R3HDM1: variants seen among roughly 807,000 people sequenced by gnomAD.
The protein encoded by R3HDM1 is R3H domain-containing protein 1.
In R3HDM1, 46 loss-of-function variants were observed where a neutral mutation model predicts 141.1. The observed-to-expected ratio is 0.33, with a 90% CI of 0.26 to 0.42. The LOEUF (loss-of-function observed/expected upper bound fraction) is 0.42, where lower values mean the gene tolerates loss of function less well. R3HDM1 is among the 10% of genes least tolerant of loss of function. The probability of loss-of-function intolerance (pLI) is 1.00; values close to 1 mark genes in which losing one functional copy is unlikely to be tolerated. For synonymous variants in R3HDM1, 435 were observed against 472.9 expected (o/e 0.92, Z 1.04); for missense variants, 1,184 against 1,368.3 (o/e 0.87, Z 2.12).
chr2:135,667,005 A>C, intron 19 of R3HDM1: 1 of 657,118 alleles, frequency 1.5e-6, no homozygotes, highest in Admixed American at 6.3e-5. Flanking sequence ...GGTACTATTA[A>C]GTGAAATAAC....
intron 1 of R3HDM1, among the ~76,000 whole-genome samples, chr2:135,570,939 G>A (rs1703961203): frequency 6.6e-6 from 1 of 152,124 alleles, no homozygotes; most frequent in Non-Finnish European, 1.5e-5. Context: ...GACTCATTTA[G>A]GCAATGACTT....
chr2:135,551,869 C>T (rs953620131), intron 1 of R3HDM1, among the ~76,000 whole-genome samples: 4 of 152,108 alleles, frequency 2.6e-5, no homozygotes, highest in Non-Finnish European at 5.9e-5. Flanking sequence ...CAGATTTTAA[C>T]TCAGTATTAC....
At chr2:135,552,288 C>A (rs1373386499) in intron 1 of R3HDM1, among the ~76,000 whole-genome samples, 1 of 151,932 alleles carries the variant, frequency 6.6e-6, no homozygotes, top group Non-Finnish European at 1.5e-5. Flanking sequence ...CTCTGCCTCC[C>A]GAGTTCAAGC....
In R3HDM1 at chr2:135,722,567, G is replaced by A. The variant is rs763236741; in HGVS notation, c.3049+14G>A. 3 of 1,609,008 alleles carry A rather than the reference G, an allele frequency of 1.9e-6. No homozygotes were observed. The highest frequency in any genetic ancestry group is 2.5e-6 in the Non-Finnish European group (3 of 1,177,908). ...CAGGAGAAACAGGTATGTCTCTGAG[G>A]GGCAACTAGATGTGGGTCTGCAAAC... On this transcript the variant is annotated intron_variant, in intron 26 of 26. Transcript: ENST00000683871.
chr2:135,680,249 A>T lies in R3HDM1; in HGVS notation c.2384A>T (p.Asn795Ile), dbSNP rs772791199. Reference protein sequence around the residue: ...QQPVMFPNQSNQGSMPTTGMP... With the variant: ...QQPVMFPNQSIQGSMPTTGMP... ...CCTGTTATGTTCCCTAATCAGTCTAATCAAGGATCTATGCCCACAACAGGA... is the reference window on the plus strand; with the variant it reads ...CCTGTTATGTTCCCTAATCAGTCTATTCAAGGATCTATGCCCACAACAGGA... The change falls in exon 21 of 27, where the codon AAT becomes ATT. Residue 795 changes from asparagine to isoleucine, a missense_variant. Asn to Ile is a moderately radical substitution (Grantham distance 149). Transcript: ENST00000683871. 7.4e-6 allele frequency: 12 copies of T among 1,613,858 alleles called. No individual in the cohort carries two copies. The highest frequency in any genetic ancestry group is 9.3e-6 in the Non-Finnish European group (11 of 1,179,772).
chr2:135,589,168 G>C (rs1420921798), intron 1 of R3HDM1, among the ~76,000 whole-genome samples: 1 of 152,144 alleles, frequency 6.6e-6, no homozygotes, highest in Non-Finnish European at 1.5e-5. Flanking sequence ...ATTAATAGCA[G>C]TATGGCTTTG....
rs151062430 is a variant in R3HDM1, at chr2:135,546,746, A to G, written c.-250+15113A>G. Among the ~76,000 whole-genome samples the G allele has an allele frequency of 5.4e-3, 816 of 152,304 alleles. 5 individuals carry two copies. Among genetic ancestry groups the G allele is most frequent in the African/African-American group, 0.019 (770 of 41,560 alleles). On this transcript the variant is annotated intron_variant, in intron 1 of 26. Coordinates refer to ENST00000683871, the MANE Select transcript of R3HDM1 (RefSeq NM_001378107.1). ...GAGTGCAGTGTCACTATCTTGGCTC[A>G]CTGCAACCTCCACCTCCCGGATTCA...
At chr2:135,706,585 G>C (rs572585666) in intron 21 of R3HDM1, among the ~76,000 whole-genome samples, 3 of 152,084 alleles carry the variant, frequency 2.0e-5, no homozygotes, top group African/African-American at 7.2e-5. Context: ...GACTCTTAAC[G>C]AGCCTGCTGC....
At chr2:135,572,169 GCTGGTCTTAAA>G (rs1223136475) in intron 1 of R3HDM1, among the ~76,000 whole-genome samples, 3 of 152,040 alleles carry the variant, frequency 2.0e-5, no homozygotes, top group African/African-American at 7.2e-5. Flanking sequence ...TGTTAGCCAG[GCTGGTCTTAAA>G]CTCCTGACCT....
At chr2:135,565,579 C>A (rs1702601659) in intron 1 of R3HDM1, among the ~76,000 whole-genome samples, 1 of 151,952 alleles carries the variant, frequency 6.6e-6, no homozygotes. Flanking sequence ...CGTTGGACTA[C>A]CTCTTCATTT....
intron 1 of R3HDM1, chr2:135,536,837 G>A (rs1410950784): frequency 1.5e-5 from 7 of 475,894 alleles, no homozygotes; most frequent in Admixed American, 6.4e-5. Flanking sequence ...TCAGATCAGC[G>A]GTGGCATTAG....
chr2:135,575,847 A>G (rs1180110987), intron 1 of R3HDM1, among the ~76,000 whole-genome samples: 1 of 152,224 alleles, frequency 6.6e-6, no homozygotes, highest in Non-Finnish European at 1.5e-5. Flanking sequence ...ATTCACAGTA[A>G]AAACACCAAG....
chr2:135,688,706 G>A (rs1160121734), intron 21 of R3HDM1, among the ~76,000 whole-genome samples: 4 of 152,166 alleles, frequency 2.6e-5, no homozygotes, highest in African/African-American at 9.7e-5. Context: ...GGAGGCCGAG[G>A]CGGGTGATCA....
At chr2:135,532,220 T>C (rs1180023555) in intron 1 of R3HDM1, among the ~76,000 whole-genome samples, 1 of 152,350 alleles carries the variant, frequency 6.6e-6, no homozygotes, top group East Asian at 1.9e-4. Flanking sequence ...TTCCCTGTGG[T>C]ACCAGAAAAA....
rs967064100 is a variant in R3HDM1, at chr2:135,577,212, T to C, written c.-249-25288T>C. On this transcript the variant is annotated intron_variant, in intron 1 of 26. Coordinates refer to ENST00000683871, the MANE Select transcript of R3HDM1 (RefSeq NM_001378107.1). ...AACCAAAGATTGACAAATACGTCTATATAAAAATAAGAAAATTTTACATGG... is the reference window on the plus strand; with the variant it reads ...AACCAAAGATTGACAAATACGTCTACATAAAAATAAGAAAATTTTACATGG... 4 of 983,568 alleles carry C rather than the reference T, an allele frequency of 4.1e-6. No homozygotes were observed. The South Asian group carries it at 1.9e-4, about 46-fold the overall frequency. The allele number at this position is 983,568 out of a possible 1,614,324, so 60.9% of individuals were successfully genotyped here.
chr2:135,718,730 C>T (rs2076404198), intron 24 of R3HDM1, among the ~76,000 whole-genome samples: 1 of 152,168 alleles, frequency 6.6e-6, no homozygotes. Context: ...AGTCTCCCCA[C>T]CTTGGCCTCC....
chr2:135,566,057 T>C (rs1702724371), intron 1 of R3HDM1: 1 of 152,218 alleles, frequency 6.6e-6, no homozygotes, highest in African/African-American at 2.4e-5. Flanking sequence ...CTGCCTCAGC[T>C]TCTCTCCCAA....
At chr2:135,628,554 C>G (rs1343582927) in intron 7 of R3HDM1, among the ~76,000 whole-genome samples, 1 of 152,168 alleles carries the variant, frequency 6.6e-6, no homozygotes, top group Non-Finnish European at 1.5e-5. Flanking sequence ...CTCTTTAGCT[C>G]AAACACAGAA....
intron 1 of R3HDM1, chr2:135,577,234 A>G (rs1461780604): frequency 3.1e-6 from 3 of 980,534 alleles, no homozygotes; most frequent in East Asian, 1.1e-4. Flanking sequence ...AAAATTTTAC[A>G]TGGCAAAAAC....
Sources: allele counts gnomAD v4.1 joint callset (sites outside exome capture counted in the v4.1 genomes callset), GRCh38; gene constraint gnomAD v4.1.1; transcripts MANE v1.5; gene names NCBI Gene and HGNC (gene_info 2026-07-23, HGNC 2026-07-21).